Variants in IL1RAPL2 observed in about 807,000 individuals in gnomAD.
The protein encoded by IL1RAPL2 is interleukin 1 receptor accessory protein like 2, also known as X-linked interleukin-1 receptor accessory protein-like 2.
In IL1RAPL2, 3 loss-of-function variants were observed where a neutral mutation model predicts 44.1. The ratio of observed to expected loss-of-function variants is 0.07; its 90% CI spans 0.03 to 0.18. The LOEUF (loss-of-function observed/expected upper bound fraction) is 0.18. Among genes scored for constraint, IL1RAPL2 ranks in the 10% least tolerant of loss-of-function variants. IL1RAPL2 has a pLI of 1.00. For missense variants in IL1RAPL2, 391 were observed against 496.4 expected (o/e 0.79, Z 2.02); for synonymous variants, 181 against 178.8 (o/e 1.01, Z -0.10).
chrX:105,744,140 G>C (rs1023072281), intron 8 of IL1RAPL2, among the ~76,000 whole-genome samples: 4 of 112,081 alleles, frequency 3.6e-5, no homozygotes, highest in Non-Finnish European at 7.5e-5. Context: ...TGAAAGACTG[G>C]ATATGATGTC....
intron 2 of IL1RAPL2, among the ~76,000 whole-genome samples, chrX:104,848,224 C>T (rs779110111): frequency 3.5e-4 from 38 of 109,170 alleles, no homozygotes; most frequent in South Asian, 1.2e-3. Flanking sequence ...GAACTTCCAA[C>T]GCTATGTTGA....
intron 1 of IL1RAPL2, among the ~76,000 whole-genome samples, chrX:104,644,557 GT>G (rs953158085): frequency 9.1e-6 from 1 of 110,011 alleles, no homozygotes; most frequent in South Asian, 3.9e-4. Context: ...TTTTTAATCT[GT>G]TTTTTTTAAG....
At chrX:104,904,391 C>T (rs182499686) in intron 2 of IL1RAPL2, among the ~76,000 whole-genome samples, 6,469 of 105,649 alleles carry the variant, frequency 0.061, 545 homozygotes, top group African/African-American at 0.21. Flanking sequence ...CATGCTGGTG[C>T]GCTGCACCCA....
chrX:104,678,231 A>G (rs376392845), intron 2 of IL1RAPL2, among the ~76,000 whole-genome samples: 1 of 112,583 alleles, frequency 8.9e-6, no homozygotes, highest in South Asian at 3.7e-4. Flanking sequence ...CCTTCCTGCA[A>G]TCTAGACCGT....
intron 5 of IL1RAPL2, among the ~76,000 whole-genome samples, chrX:105,409,545 A>G (rs1009911633): frequency 9.0e-6 from 1 of 111,082 alleles, no homozygotes; most frequent in African/African-American, 3.3e-5. Flanking sequence ...TGAACAACAT[A>G]TGTGATGTGG....
At chrX:105,486,859 G>A (rs775139110) in intron 6 of IL1RAPL2, among the ~76,000 whole-genome samples, 1 of 109,603 alleles carries the variant, frequency 9.1e-6, no homozygotes, top group African/African-American at 3.3e-5. Context: ...TTGGGAGGCC[G>A]AGGAGGGCAG....
chrX:105,375,209 A>G (rs757576665), intron 5 of IL1RAPL2, among the ~76,000 whole-genome samples: 47 of 110,360 alleles, frequency 4.3e-4, no homozygotes, highest in Non-Finnish European at 7.6e-4. Flanking sequence ...TTTGCCAGGT[A>G]TCCTAAAGAA....
intron 2 of IL1RAPL2, among the ~76,000 whole-genome samples, chrX:104,915,793 C>A (rs1438029321): frequency 1.8e-4 from 20 of 111,660 alleles, no homozygotes; most frequent in African/African-American, 6.2e-4. Context: ...ATATGGCTAG[C>A]CCGTTTTCCC....
At chrX:105,248,656 C>T (rs760525189) in intron 4 of IL1RAPL2, among the ~76,000 whole-genome samples, 1 of 111,003 alleles carries the variant, frequency 9.0e-6, no homozygotes, top group South Asian at 3.8e-4. Flanking sequence ...GGAAAAAAAC[C>T]TAATCTAATT....
chrX:104,767,680 G>A (rs561461284), intron 2 of IL1RAPL2, among the ~76,000 whole-genome samples: 3 of 111,969 alleles, frequency 2.7e-5, no homozygotes, highest in South Asian at 3.7e-4. Context: ...AAGCATAATG[G>A]TACCCATAGT....
intron 4 of IL1RAPL2, among the ~76,000 whole-genome samples, chrX:105,253,609 T>C (rs1400104475): frequency 9.0e-6 from 1 of 111,638 alleles, no homozygotes; most frequent in African/African-American, 3.3e-5. Context: ...GTTTGTTACA[T>C]AGGTAAACAC....
At chrX:105,340,433 C>T (rs1382789749) in intron 5 of IL1RAPL2, among the ~76,000 whole-genome samples, 3 of 112,006 alleles carry the variant, frequency 2.7e-5, no homozygotes, top group Non-Finnish European at 5.6e-5. Flanking sequence ...GGCTGGTCTC[C>T]CTGCTAAACT....
chrX:104,601,113 C>T lies in IL1RAPL2; in HGVS notation c.-20+34062C>T, dbSNP rs769736073. On this transcript the variant is annotated intron_variant, in intron 1 of 10. Coordinates refer to ENST00000372582, the MANE Select transcript of IL1RAPL2 (RefSeq NM_017416.2). ...TATGAAAATATTTAGATATGATATG[C>T]AAACCATGGAGCAATTTTCTTTTTT... Among the ~76,000 whole-genome samples the T allele has an allele frequency of 4.5e-5, 5 of 111,726 alleles. No individual in the cohort carries two copies. The East Asian group carries it at 1.1e-3, about 25-fold the overall frequency.
intron 6 of IL1RAPL2, among the ~76,000 whole-genome samples, chrX:105,608,387 C>T (rs2037311115): frequency 9.0e-6 from 1 of 111,389 alleles, no homozygotes; most frequent in Non-Finnish European, 1.9e-5. Context: ...GACAGACATA[C>T]CTTTAGTTTA....
At position 105,079,512 on chromosome X, in the gene IL1RAPL2, C is replaced by G. The variant is rs765823032; in HGVS notation, c.83-115963C>G. ...GATGGTTTCCAGCTTCATCCATGTC[C>G]CTACAAAGGACATGAACTCATCCTT... On this transcript the variant is annotated intron_variant, in intron 2 of 10. Transcript: ENST00000372582. Among the ~76,000 whole-genome samples the G allele has an allele frequency of 5.5e-3, 598 of 109,575 alleles. 7 individuals carry two copies. The highest frequency in any genetic ancestry group is 0.019 in the African/African-American group (574 of 30,179).
At position 104,841,525 on chromosome X, in the gene IL1RAPL2, T is replaced by C. The variant is rs1044462144; in HGVS notation, c.82+182530T>C. On this transcript the variant is annotated intron_variant, in intron 2 of 10. Transcript: ENST00000372582. ...TGGTGTGTTTTTGCAGTGGCTGTTA[T>C]TGGTTTTTTCCTGTCCATATTTAGT... 1.2e-4 allele frequency among the ~76,000 whole-genome samples: 14 copies of C among 112,009 alleles called. No homozygotes were observed. In the East Asian group the frequency reaches 2.0e-3, roughly 16 times the overall value.
chrX:104,908,189 A>T (rs1422641192), intron 2 of IL1RAPL2, among the ~76,000 whole-genome samples: 1 of 111,399 alleles, frequency 9.0e-6, no homozygotes, highest in Non-Finnish European at 1.9e-5. Flanking sequence ...TTTTGAGCCT[A>T]TGTGTGTCTC....
At chrX:105,539,654 A>G (rs1258213283) in intron 6 of IL1RAPL2, among the ~76,000 whole-genome samples, 3 of 111,987 alleles carry the variant, frequency 2.7e-5, no homozygotes, top group Non-Finnish European at 5.6e-5. Context: ...CAATTGCAAC[A>G]AAACCAAAAA....
chrX:105,154,650 A>G (rs2033254815), intron 2 of IL1RAPL2, among the ~76,000 whole-genome samples: 1 of 109,694 alleles, frequency 9.1e-6, no homozygotes, highest in East Asian at 2.9e-4. Flanking sequence ...TGTTTGTTAC[A>G]CTCTATTATT....
Sources: gnomAD v4.1 joint callset for allele counts (sites outside exome capture counted in the v4.1 genomes callset) on GRCh38, gnomAD v4.1.1 for gene constraint, MANE v1.5 for transcripts, NCBI Gene and HGNC (gene_info 2026-07-23, HGNC 2026-07-21) for gene names.